Variants in UTP25 observed in about 807,000 individuals in gnomAD.
The protein encoded by UTP25 is U3 small nucleolar RNA-associated protein 25 homolog.
UTP25 carries 50 observed loss-of-function variants against 78.9 expected under a neutral mutation model. The ratio of observed to expected loss-of-function variants is 0.63; its 90% CI spans 0.50 to 0.80. The LOEUF (loss-of-function observed/expected upper bound fraction) is 0.80, where lower values mean the gene tolerates loss of function less well. Ranked by LOEUF, UTP25 falls within the 30% of genes least tolerant of loss-of-function variation. The pLI is 0.00. For synonymous variants in UTP25, 329 were observed against 336.5 expected, an observed-to-expected ratio of 0.98 and a Z score of 0.24; for missense variants, 846 against 911.3, an observed-to-expected ratio of 0.93 and a Z score of 0.92.
At chr1:209,843,845 G>A in intron 11 of UTP25, 149 bp downstream of exon 11, 1 of 1,084,854 alleles carries the variant, frequency 9.2e-7, no homozygotes, top group Non-Finnish European at 1.3e-6. Context: ...TTTTTGGTTT[G>A]GACAGACTCT....
At chr1:209,843,406 G>A (rs1337315230) in intron 10 of UTP25, 45 bp from the exon 11 acceptor site, 1 of 1,604,642 alleles carries the variant, frequency 6.2e-7, no homozygotes, top group Admixed American at 1.7e-5. Flanking sequence ...GACACCATAA[G>A]CTTAGCTCTA....
rs1449281826 is a variant in UTP25 at position 209,851,270 on chromosome 1, T to A, written c.2094T>A (p.Ser698Arg). The A allele has an allele frequency of 6.2e-7, 1 of 1,613,960 alleles. No homozygotes were observed. Among genetic ancestry groups the A allele is most frequent in the African/African-American group, 1.3e-5 (1 of 74,902 alleles). ...YELPTYPHFY[S>R]EICNMLRATN... Reference sequence around the variant, plus strand: ...TGCCGACATATCCACACTTTTACAGTGAAATCTGTAATATGCTGAGAGCCA... The same window carrying A: ...TGCCGACATATCCACACTTTTACAGAGAAATCTGTAATATGCTGAGAGCCA... Residue 698 changes from serine (S) to arginine (R), a missense_variant, in exon 12 of 12, where the codon AGT (serine) becomes AGA (arginine). Coordinates refer to ENST00000491415, the MANE Select transcript of UTP25 (RefSeq NM_014388.7).
Position 209,851,946 on chromosome 1 carries a change from T to G in UTP25, c.*499T>G, listed in dbSNP as rs1446026884. ...TTATTCTGCCCCAGCCAAACTTTTT[T>G]GAAACCTTAAATAGTCTACCTTAAT... On this transcript the variant is annotated 3_prime_UTR_variant, in exon 12 of 12. Coordinates refer to ENST00000491415, the MANE Select transcript of UTP25 (RefSeq NM_014388.7). The G allele has an allele frequency of 6.5e-6, 1 of 154,042 alleles. No individual in the cohort carries two copies. The highest frequency in any genetic ancestry group is 1.9e-4 in the East Asian group (1 of 5,218). The allele number at this position is 154,042 out of a possible 1,614,324, so 9.5% of individuals were successfully genotyped here.
At chr1:209,834,257 A>G (rs979535209) in intron 4 of UTP25, among the ~76,000 whole-genome samples, 1 of 152,206 alleles carries the variant, frequency 6.6e-6, no homozygotes, top group East Asian at 1.9e-4. Flanking sequence ...GTTCACTCTT[A>G]GATATTTAAT....
rs546716499 is a variant in UTP25, at chr1:209,830,272, A to G, written c.147+125A>G. 2.3e-6 allele frequency: 2 copies of G among 865,052 alleles called. 1 individual carries two copies. Among genetic ancestry groups the G allele is most frequent in the South Asian group, 3.7e-5 (2 of 54,468 alleles). 53.6% of individuals were successfully genotyped at this position (865,052 alleles called of 1,614,324 possible). On this transcript the variant is annotated intron_variant, in intron 2 of 11. Coordinates refer to ENST00000491415, the MANE Select transcript of UTP25 (RefSeq NM_014388.7). ...TTCAGATGCAAGCTATTATTTTGGC[A>G]GTATCACTTAATTTTAAATGCAGAT...
intron 3 of UTP25, 77 bp from the exon 4 acceptor site, chr1:209,833,108 C>T: frequency 7.3e-7 from 1 of 1,374,598 alleles, no homozygotes; most frequent in Non-Finnish European, 9.9e-7. Context: ...GTTGGTATAG[C>T]CTAAGGAAAT....
rs780188573 is a variant in UTP25 at position 209,837,026 on chromosome 1, T to A, written c.877T>A (p.Phe293Ile). ...AATTATGAATTCTTACCGGGACCTG[T>A]TCTACCCGGAAAGGACTGCTCTGAA... ...FLIMNSYRDL[F>I]YPERTALKNG... is the part of the protein sequence containing the mutation. The change falls in exon 6 of 12, where the codon TTC becomes ATC. Residue 293 changes from phenylalanine to isoleucine, a missense_variant. Transcript: ENST00000491415. The A allele has an allele frequency of 6.2e-7, 1 of 1,614,160 alleles. No individual in the cohort carries two copies. Among genetic ancestry groups the A allele is most frequent in the Non-Finnish European group, 8.5e-7 (1 of 1,180,018 alleles).
chr1:209,833,553 G>A (rs1221498085), intron 4 of UTP25, among the ~76,000 whole-genome samples, 195 bp downstream of exon 4: 1 of 152,146 alleles, frequency 6.6e-6, no homozygotes, highest in Admixed American at 6.5e-5. Flanking sequence ...ACATTTAGGA[G>A]AACAAACAAG....
intron 8 of UTP25, 88 bp from the exon 9 acceptor site, chr1:209,842,177 G>A: frequency 7.5e-7 from 1 of 1,335,480 alleles, no homozygotes; most frequent in Non-Finnish European, 1.0e-6. Flanking sequence ...GATAGTACAT[G>A]AGTTGATAGA....
chr1:209,833,882 G>A (rs2078117296), intron 4 of UTP25, among the ~76,000 whole-genome samples: 1 of 152,278 alleles, frequency 6.6e-6, no homozygotes, highest in South Asian at 2.1e-4. Flanking sequence ...ACGTGCCTAT[G>A]GCGGGCTTTG....
intron 1 of UTP25, among the ~76,000 whole-genome samples, chr1:209,828,963 G>T (rs866215109): frequency 6.6e-6 from 1 of 151,368 alleles, no homozygotes; most frequent in African/African-American, 2.4e-5. Flanking sequence ...TAGTTGAGAC[G>T]GGGTTTCACC....
chr1:209,849,054 C>T (rs2078214324), intron 11 of UTP25, among the ~76,000 whole-genome samples: 1 of 152,026 alleles, frequency 6.6e-6, no homozygotes, highest in Admixed American at 6.5e-5. Context: ...ACACGTGTGC[C>T]AGAGGAGGGT....
In UTP25 at chr1:209,856,667, A is replaced by T. The variant is rs1174935493; in HGVS notation, c.*5220A>T. On this transcript the variant is annotated 3_prime_UTR_variant, in exon 12 of 12. Coordinates refer to ENST00000491415, the MANE Select transcript of UTP25 (RefSeq NM_014388.7). Reference sequence around the variant, plus strand: ...GCCATTCCTGACTGATACAGAAGACAAAAATGGCATCACAGACTCCTGAAC... The same window carrying T: ...GCCATTCCTGACTGATACAGAAGACTAAAATGGCATCACAGACTCCTGAAC... 6.6e-6 allele frequency: 1 copy of T among 152,270 alleles called. No homozygotes were observed. The highest frequency in any genetic ancestry group is 2.4e-5 in the African/African-American group (1 of 41,470). The allele number at this position is 152,270 out of a possible 1,614,324, so 9.4% of individuals were successfully genotyped here.
In UTP25 at chr1:209,835,276, T is replaced by C. The variant is rs1039504696; in HGVS notation, c.651+113T>C. 4.7e-6 allele frequency: 4 copies of C among 858,052 alleles called. No individual in the cohort carries two copies. In the African/African-American group the frequency reaches 6.8e-5, roughly 15 times the overall value. The allele number at this position is 858,052 out of a possible 1,614,324, so 53.2% of individuals were successfully genotyped here. A position where few individuals can be genotyped will look rare whatever the true frequency, so the allele number is the denominator to read the frequency against. On this transcript the variant is annotated intron_variant, in intron 5 of 11. Coordinates refer to ENST00000491415, the MANE Select transcript of UTP25 (RefSeq NM_014388.7). ...ATGATATACACCTGCAGTAGATGGCTTGATAGGGAAGCAGGGCATAAGGAA... is the reference window on the plus strand; with the variant it reads ...ATGATATACACCTGCAGTAGATGGCCTGATAGGGAAGCAGGGCATAAGGAA...
Position 209,842,713 on chromosome 1 carries a change from G to C in UTP25, c.1781+18G>C, listed in dbSNP as rs375975970. The C allele has an allele frequency of 3.8e-6, 6 of 1,581,004 alleles. No homozygotes were observed. In the African/African-American group the frequency reaches 8.1e-5, roughly 21 times the overall value. On this transcript the variant is annotated intron_variant, in intron 10 of 11. Transcript: ENST00000491415. ...GATGCCAGGTAACCCACTCCTCCCA[G>C]CAGGCCCCTGGGGACCACATAGAGA...
chr1:209,846,170 G>C (rs1475416616), intron 11 of UTP25, among the ~76,000 whole-genome samples: 2 of 152,024 alleles, frequency 1.3e-5, no homozygotes, highest in Non-Finnish European at 2.9e-5. Flanking sequence ...AAATGTACAT[G>C]TATTTTATAT....
rs1011804725 is a variant in UTP25, at chr1:209,856,741, T to G, written c.*5294T>G. The G allele has an allele frequency of 6.6e-6, 1 of 152,240 alleles. No homozygotes were observed. The highest frequency in any genetic ancestry group is 1.5e-5 in the Non-Finnish European group (1 of 68,060). 9.4% of individuals were successfully genotyped at this position (152,240 alleles called of 1,614,324 possible). ...CGTCTGTTCTTGGCAAGCACCAACA[T>G]TGAGACTGTACTTCAGGGTTGATGC... On this transcript the variant is annotated 3_prime_UTR_variant, in exon 12 of 12. Coordinates refer to ENST00000491415, the MANE Select transcript of UTP25 (RefSeq NM_014388.7).
rs2078269474 is a variant in UTP25, at chr1:209,855,549, G to A, written c.*4102G>A. Reference sequence around the variant, plus strand: ...CATAAGGAGCTGTTTGCTTTGCACAGAGAAATCTAATCTTTCTCCTGCTGG... The same window carrying A: ...CATAAGGAGCTGTTTGCTTTGCACAAAGAAATCTAATCTTTCTCCTGCTGG... On this transcript the variant is annotated 3_prime_UTR_variant, in exon 12 of 12. Coordinates refer to ENST00000491415, the MANE Select transcript of UTP25 (RefSeq NM_014388.7). 2 of 152,316 alleles carry A rather than the reference G, an allele frequency of 1.3e-5. No homozygotes were observed. The highest frequency in any genetic ancestry group is 1.9e-4 in the East Asian group (1 of 5,202). The allele number at this position is 152,316 out of a possible 1,614,324, so 9.4% of individuals were successfully genotyped here.
intron 7 of UTP25, among the ~76,000 whole-genome samples, chr1:209,839,425 G>A (rs560174537): frequency 3.9e-5 from 6 of 152,322 alleles, no homozygotes; most frequent in African/African-American, 1.4e-4. Context: ...CCCATAGCTG[G>A]TAGCAGATAG....
Sources: gnomAD v4.1 joint callset for allele counts (sites outside exome capture counted in the v4.1 genomes callset) on GRCh38, gnomAD v4.1.1 for gene constraint, MANE v1.5 for transcripts, NCBI Gene and HGNC (gene_info 2026-07-23, HGNC 2026-07-21) for gene names.